Variants in WDR88 observed in about 807,000 individuals in gnomAD.
WDR88 encodes the protein WD repeat-containing protein 88.
A neutral mutation model predicts 46.8 loss-of-function variants in WDR88; 40 were observed. The observed-to-expected ratio is 0.86, with a 90% CI of 0.66 to 1.11. WDR88 has a LOEUF of 1.11. Among genes scored for constraint, WDR88 ranks in the 50% most tolerant of loss-of-function variants. The pLI is 0.00. For synonymous variants in WDR88, 235 were observed against 240.7 expected, an observed-to-expected ratio of 0.98 and a Z score of 0.22; for missense variants, 562 against 602.4, an observed-to-expected ratio of 0.93 and a Z score of 0.70.
intron 5 of WDR88, among the ~76,000 whole-genome samples, chr19:33,149,817 G>A (rs1973596904): frequency 1.3e-5 from 2 of 151,806 alleles, no homozygotes; most frequent in South Asian, 2.1e-4. Flanking sequence ...CCACCACCAC[G>A]CCCAGCTAAT....
At chr19:33,157,832 C>G (rs1973791605) in intron 7 of WDR88, among the ~76,000 whole-genome samples, 1 of 150,222 alleles carries the variant, frequency 6.7e-6, no homozygotes, top group Admixed American at 6.7e-5. Context: ...TCTGATGGTG[C>G]CAGAACAAGT....
chr19:33,138,687 CTTT>C (rs1218123445), intron 2 of WDR88, among the ~76,000 whole-genome samples: 1 of 67,636 alleles, frequency 1.5e-5, no homozygotes, highest in Non-Finnish European at 2.6e-5. Context: ...CTTTTCTTTT[CTTT>C]TTTTTTTTTT....
chr19:33,171,017 G>A (rs965937086), intron 9 of WDR88, among the ~76,000 whole-genome samples: 8 of 151,988 alleles, frequency 5.3e-5, no homozygotes, highest in African/African-American at 1.9e-4. Flanking sequence ...ACAGAGTCTC[G>A]CTCTGTCACC....
chr19:33,174,066 G>T, intron 10 of WDR88: 1 of 1,043,320 alleles, frequency 9.6e-7, no homozygotes, highest in Non-Finnish European at 1.4e-6. Flanking sequence ...TGGCCAGGTT[G>T]GTCTCGAACT....
chr19:33,162,446 C>G (rs1274047995), intron 8 of WDR88, among the ~76,000 whole-genome samples: 1 of 151,852 alleles, frequency 6.6e-6, no homozygotes, highest in Non-Finnish European at 1.5e-5. Context: ...ATCTCCTGAC[C>G]TCGTGATCTA....
chr19:33,137,810 C>T (rs779458656), intron 2 of WDR88, 23 bp downstream of exon 2: 4 of 1,601,820 alleles, frequency 2.5e-6, no homozygotes, highest in Non-Finnish European at 3.4e-6. Context: ...CTGTTAGGTA[C>T]TCCTGGAGCG....
rs745987290 is a variant in WDR88, at chr19:33,141,227, G to GTTTTTTTTTTT, written c.387+3443_387+3453dup. On this transcript the variant is annotated intron_variant, in intron 2 of 10. Transcript: ENST00000355868. The stretch of plus-strand genomic sequence containing the variant: ...GCTGGGATTACAGGTGTGGGAGCAT[G>GTTTTTTTTTTT]TTTTTTTTTTTTTCTTTTTTGACAC... 1.9e-3 allele frequency among the ~76,000 whole-genome samples: 219 copies of GTTTTTTTTTTT among 113,364 alleles called. 46 individuals carry two copies. Among genetic ancestry groups the GTTTTTTTTTTT allele is most frequent in the African/African-American group, 4.9e-3 (121 of 24,456 alleles). 74.4% of individuals were successfully genotyped at this position (113,364 alleles called of 152,430 possible).
intron 3 of WDR88, among the ~76,000 whole-genome samples, chr19:33,146,749 C>T (rs1457641182): frequency 6.6e-6 from 1 of 152,100 alleles, no homozygotes; most frequent in Non-Finnish European, 1.5e-5. Flanking sequence ...AACTCCTGAC[C>T]TCAGGTGTTC....
chr19:33,158,876 T>C (rs1481591525), intron 7 of WDR88, among the ~76,000 whole-genome samples: 1 of 152,150 alleles, frequency 6.6e-6, no homozygotes, highest in African/African-American at 2.4e-5. Flanking sequence ...ATTTTTGTAT[T>C]TTTGGTAGAG....
chr19:33,142,843 T>TA, intron 2 of WDR88: 1 of 11,894 alleles, frequency 8.4e-5, no homozygotes, highest in African/African-American at 6.0e-4. Flanking sequence ...CTGTCTCTAC[T>TA]AAAAATACAA....
rs1289318961 is a variant in WDR88 at position 33,142,878 on chromosome 19, A to AAAAAG, written c.388-1964_388-1963insAAGAA. 113 of 142,946 alleles carry AAAAAG rather than the reference A, an allele frequency of 7.9e-4. 4 individuals carry two copies. Among genetic ancestry groups the AAAAAG allele is most frequent in the African/African-American group, 3.0e-3 (109 of 36,858 alleles). 8.9% of individuals were successfully genotyped at this position (142,946 alleles called of 1,614,324 possible). A position where few individuals can be genotyped will look rare whatever the true frequency, so the allele number is the denominator to read the frequency against. ...AAAAAAAAAAAAAAAAAAAAAAAAA[A>AAAAAG]AAGGCCGGGGGGCGGGAATAACGTG... On this transcript the variant is annotated intron_variant, in intron 2 of 10. Transcript: ENST00000355868.
At position 33,145,008 on chromosome 19, in the gene WDR88, TTTTG is replaced by T. The variant is rs549080173; in HGVS notation, c.476+80_476+83del. 4.1e-4 allele frequency: 575 copies of T among 1,386,586 alleles called. 2 individuals carry two copies. In the African/African-American group the frequency reaches 7.6e-3, roughly 18 times the overall value. 85.9% of individuals were successfully genotyped at this position (1,386,586 alleles called of 1,614,324 possible). On this transcript the variant is annotated intron_variant, in intron 3 of 10. Coordinates refer to ENST00000355868, the MANE Select transcript of WDR88 (RefSeq NM_173479.4). ...CCATAAATAGGTATGCCTGTGACAT[TTTTG>T]TTTTTGTTTTAAGTAATAGATATGG...
chr19:33,164,974 G>A (rs944519363), intron 9 of WDR88, among the ~76,000 whole-genome samples: 14 of 151,852 alleles, frequency 9.2e-5, no homozygotes, highest in African/African-American at 3.1e-4. Flanking sequence ...GGTCCCATCT[G>A]GGGGTGATGG....
intron 1 of WDR88, among the ~76,000 whole-genome samples, chr19:33,135,722 C>T (rs1426326545): frequency 1.3e-5 from 2 of 152,028 alleles, no homozygotes; most frequent in East Asian, 1.9e-4. Context: ...CTGGCCGAAC[C>T]GCCCGTTTTT....
At position 33,175,726 on chromosome 19, in the gene WDR88, A is replaced by G; in HGVS notation, c.*154A>G. On this transcript the variant is annotated 3_prime_UTR_variant, in exon 11 of 11. Coordinates refer to ENST00000355868, the MANE Select transcript of WDR88 (RefSeq NM_173479.4). ...CCCTGGCTGGACTCAGCACAGTGCC[A>G]CCTCCTCAGCTCTCAGCTTGGGGAG... The G allele has an allele frequency of 1.3e-6, 1 of 753,896 alleles. No individual in the cohort carries two copies. Among genetic ancestry groups the G allele is most frequent in the East Asian group, 2.7e-5 (1 of 37,484 alleles). 46.7% of individuals were successfully genotyped at this position (753,896 alleles called of 1,614,324 possible).
chr19:33,159,415 G>C (rs1318331275), intron 7 of WDR88, among the ~76,000 whole-genome samples: 1 of 151,956 alleles, frequency 6.6e-6, no homozygotes, highest in Admixed American at 6.6e-5. Context: ...CCACAGTGCC[G>C]AAGTGCTGTT....
Position 33,172,374 on chromosome 19 carries a change from T to A in WDR88, c.1176T>A (p.Ile392=). Reference sequence around the variant, plus strand: ...ATAGGACCATGAGACTGTGGAATATTGAAGAAATTGATGAAATTCCTTTGG... The same window carrying A: ...ATAGGACCATGAGACTGTGGAATATAGAAGAAATTGATGAAATTCCTTTGG... ...SKDRTMRLWN[I]EEIDEIPLVI... Residue 392 remains isoleucine (I), a synonymous_variant, in exon 10 of 11, where the codon ATT becomes ATA. Transcript: ENST00000355868. The A allele has an allele frequency of 6.2e-7, 1 of 1,614,038 alleles. No homozygotes were observed. Among genetic ancestry groups the A allele is most frequent in the African/African-American group, 1.3e-5 (1 of 75,048 alleles).
At chr19:33,139,215 G>C (rs562574586) in intron 2 of WDR88, among the ~76,000 whole-genome samples, 15 of 152,356 alleles carry the variant, frequency 9.8e-5, no homozygotes, top group Admixed American at 3.3e-4. Context: ...CAGCAGGCAG[G>C]GGCACCGGGG....
At position 33,132,313 on chromosome 19, in the gene WDR88, G is replaced by A. The variant is rs759878772; in HGVS notation, c.144G>A (p.Ser48=). Residue 48 remains serine, a synonymous_variant, in exon 1 of 11, where the codon TCG becomes TCA. Transcript: ENST00000355868. ...GGGCCTTAGGCCGCTTCAAGCTGTC[G>A]ATCCCGCACACGCACCTGCTGGCCA... is the stretch of plus-strand genomic sequence containing the variant. The part of the protein sequence containing the change: ...MARALGRFKL[S]IPHTHLLATL... The A allele has an allele frequency of 3.7e-6, 6 of 1,613,850 alleles. No homozygotes were observed. The highest frequency in any genetic ancestry group is 2.2e-5 in the South Asian group (2 of 91,094).
Sources: gnomAD v4.1 joint callset for allele counts (sites outside exome capture counted in the v4.1 genomes callset) on GRCh38, gnomAD v4.1.1 for gene constraint, MANE v1.5 for transcripts, NCBI Gene and HGNC (gene_info 2026-07-23, HGNC 2026-07-21) for gene names.